RAB6A: variants seen among roughly 807,000 people sequenced by gnomAD.
The protein encoded by RAB6A is ras-related protein Rab-6A.
Under a neutral mutation model 32.3 loss-of-function variants are expected in RAB6A, and 8 were observed. The observed-to-expected ratio is 0.25, with a 90% confidence interval of 0.15 to 0.45. The LOEUF is 0.45. Ranked by LOEUF, RAB6A falls within the 20% of genes least tolerant of loss-of-function variation. The probability of loss-of-function intolerance (pLI) is 1.00; values close to 1 mark genes in which losing one functional copy is unlikely to be tolerated. For missense variants in RAB6A, 104 were observed against 249.4 expected, an observed-to-expected ratio of 0.42 and a Z score of 3.93; for synonymous variants, 73 against 82.1, an observed-to-expected ratio of 0.89 and a Z score of 0.60.
At chr11:73,759,657 T>C (rs937573618) in intron 1 of RAB6A, among the ~76,000 whole-genome samples, 1 of 152,198 alleles carries the variant, frequency 6.6e-6, no homozygotes, top group Admixed American at 6.5e-5. Context: ...CAAGAAGGAA[T>C]GAATAATTAA....
At position 73,716,265 on chromosome 11, in the gene RAB6A, A is replaced by G. The variant is rs1435533074; in HGVS notation, c.387T>C (p.Asp129=). Reference sequence around the variant, plus strand: ...TAACTCCATACCTCTTGTCAGCAAGATCTGTTTTATTTCCTACTAGCATGA... The same window carrying G: ...TAACTCCATACCTCTTGTCAGCAAGGTCTGTTTTATTTCCTACTAGCATGA... ...VIIMLVGNKT[D]LADKRQVSIE... Residue 129 remains aspartate, a synonymous_variant, in exon 5 of 8, where the codon GAT becomes GAC. Transcript: ENST00000336083. 1.9e-6 allele frequency: 3 copies of G among 1,607,126 alleles called. No individual in the cohort carries two copies. Among genetic ancestry groups the G allele is most frequent in the Non-Finnish European group, 2.6e-6 (3 of 1,173,924 alleles).
intron 1 of RAB6A, among the ~76,000 whole-genome samples, chr11:73,737,994 C>CAA (rs57456237): frequency 0.016 from 1,543 of 99,204 alleles, 51 homozygotes; most frequent in East Asian, 0.047. Context: ...GACTCCATCT[C>CAA]AAAAAAAAAA....
chr11:73,739,111 T>C (rs1946447218), intron 1 of RAB6A, among the ~76,000 whole-genome samples: 2 of 147,774 alleles, frequency 1.4e-5, no homozygotes, highest in Admixed American at 1.4e-4. Flanking sequence ...CTACTAAAAA[T>C]ACAAAAATTA....
intron 5 of RAB6A, among the ~76,000 whole-genome samples, chr11:73,714,068 T>A (rs1182239763): frequency 2.7e-5 from 4 of 150,932 alleles, no homozygotes; most frequent in Admixed American, 2.6e-4. Context: ...GGCAAGCTCT[T>A]GTAATTCCAG....
At chr11:73,686,531 G>A (rs1252135779) in intron 6 of RAB6A, among the ~76,000 whole-genome samples, 1 of 152,150 alleles carries the variant, frequency 6.6e-6, no homozygotes, top group Non-Finnish European at 1.5e-5. Flanking sequence ...CTCCAGCCTA[G>A]ATGACAGAGT....
intron 1 of RAB6A, among the ~76,000 whole-genome samples, chr11:73,740,222 C>T (rs1032162678): frequency 6.6e-6 from 1 of 151,946 alleles, no homozygotes; most frequent in Non-Finnish European, 1.5e-5. Flanking sequence ...CACAAAAAAA[C>T]ACTATAAAAA....
At chr11:73,694,756 A>G (rs1017560692) in intron 6 of RAB6A, among the ~76,000 whole-genome samples, 4 of 152,120 alleles carry the variant, frequency 2.6e-5, no homozygotes, top group African/African-American at 7.2e-5. Flanking sequence ...GCTCATGCCT[A>G]TAATTCCAGC....
In RAB6A at chr11:73,740,672, T is replaced by C. The variant is rs1307862044; in HGVS notation, c.71-9849A>G. Among the ~76,000 whole-genome samples, 9 of 151,938 alleles carry C rather than the reference T, an allele frequency of 5.9e-5. No individual in the cohort carries two copies. In the South Asian group the frequency reaches 1.2e-3, roughly 21 times the overall value. On this transcript the variant is annotated intron_variant, in intron 1 of 7. Coordinates refer to ENST00000336083, the MANE Select transcript of RAB6A (RefSeq NM_198896.2). ...GGGAGGCCAAGGCAGGCGGATCACCTGAGGTCAGGAGTTTGAGACTAACCT... is the reference window on the plus strand; with the variant it reads ...GGGAGGCCAAGGCAGGCGGATCACCCGAGGTCAGGAGTTTGAGACTAACCT...
intron 3 of RAB6A, among the ~76,000 whole-genome samples, chr11:73,720,178 T>A (rs1946112849): frequency 8.5e-6 from 1 of 117,680 alleles, no homozygotes; most frequent in African/African-American, 2.8e-5. Context: ...AAATACACAT[T>A]ACTTTTTTTT....
intron 6 of RAB6A, among the ~76,000 whole-genome samples, chr11:73,684,165 G>GT (rs532757584): frequency 0.16 from 12,607 of 78,928 alleles, 689 homozygotes; most frequent in South Asian, 0.35. Flanking sequence ...TACATACATT[G>GT]TTGTTTTTTT....
intron 6 of RAB6A, among the ~76,000 whole-genome samples, chr11:73,687,182 C>A (rs1293801669): frequency 3.3e-5 from 5 of 151,974 alleles, no homozygotes; most frequent in Non-Finnish European, 7.4e-5. Context: ...TAATCAAATT[C>A]ACAGACACAA....
chr11:73,757,127 ATATTTTTTTTTTTTTTT>A (rs1946771665), intron 1 of RAB6A, among the ~76,000 whole-genome samples: 1 of 38,804 alleles, frequency 2.6e-5, no homozygotes, highest in Non-Finnish European at 4.2e-5. Context: ...ATATATATAT[ATATTTTTTTTTTTTTTT>A]TTTTTTTTTT....
At chr11:73,739,857 C>T (rs2134991543) in intron 1 of RAB6A, among the ~76,000 whole-genome samples, 1 of 151,946 alleles carries the variant, frequency 6.6e-6, no homozygotes, top group East Asian at 2.0e-4. Context: ...GAGATGGAGA[C>T]CACCACCCTG....
At chr11:73,728,083 A>AG (rs1175609819) in intron 2 of RAB6A, among the ~76,000 whole-genome samples, 1 of 152,238 alleles carries the variant, frequency 6.6e-6, no homozygotes, top group Non-Finnish European at 1.5e-5. Context: ...AATAAAAAAA[A>AG]TTTTAAAGAG....
rs1056494402 is a variant in RAB6A at position 73,725,388 on chromosome 11, G to A, written c.130-4489C>T. On this transcript the variant is annotated intron_variant, in intron 2 of 7. Coordinates refer to ENST00000336083, the MANE Select transcript of RAB6A (RefSeq NM_198896.2). Reference sequence around the variant, plus strand: ...ATAACACGAATTTTGTCAAGCATATGTGATTGAACCAAAGAGAAGTGTATT... The same window carrying A: ...ATAACACGAATTTTGTCAAGCATATATGATTGAACCAAAGAGAAGTGTATT... Among the ~76,000 whole-genome samples the A allele has an allele frequency of 4.6e-5, 7 of 152,354 alleles. No individual in the cohort carries two copies. The East Asian group carries it at 1.4e-3, about 29-fold the overall frequency.
At chr11:73,733,985 T>C (rs546187067) in intron 1 of RAB6A, among the ~76,000 whole-genome samples, 10 of 152,294 alleles carry the variant, frequency 6.6e-5, no homozygotes, top group African/African-American at 2.2e-4. Context: ...CTTTACTATA[T>C]ATGTATCATT....
rs541789982 is a variant in RAB6A at position 73,703,642 on chromosome 11, T to C, written c.495+3778A>G. On this transcript the variant is annotated intron_variant, in intron 6 of 7. Coordinates refer to ENST00000336083, the MANE Select transcript of RAB6A (RefSeq NM_198896.2). The stretch of plus-strand genomic sequence containing the variant: ...TTATAATCCCAGCTAGGCAGGAGGC[T>C]GAGGCATGAGAATCACTTGAACCAG... 2.8e-3 allele frequency among the ~76,000 whole-genome samples: 428 copies of C among 152,304 alleles called. 2 individuals carry two copies. Among genetic ancestry groups the C allele is most frequent in the Non-Finnish European group, 4.7e-3 (320 of 68,024 alleles).
chr11:73,720,876 T>C lies in RAB6A; in HGVS notation c.153A>G (p.Leu51=). ...GATCCTCCAAGTACATAGTTTTTGA[T>C]AAAAAGTCAATGCCAATTGTTGCCT... is the stretch of plus-strand genomic sequence containing the variant. ...TYQATIGIDF[L]SKTMYLEDRT... is the part of the protein sequence containing the mutation. Residue 51 remains leucine, a synonymous_variant, in exon 3 of 8, where the codon TTA becomes TTG. Transcript: ENST00000336083. 6.2e-7 allele frequency: 1 copy of C among 1,610,594 alleles called. No individual in the cohort carries two copies. The highest frequency in any genetic ancestry group is 8.5e-7 in the Non-Finnish European group (1 of 1,178,004).
At chr11:73,752,524 T>C (rs1034469808) in intron 1 of RAB6A, among the ~76,000 whole-genome samples, 1 of 151,976 alleles carries the variant, frequency 6.6e-6, no homozygotes, top group African/African-American at 2.4e-5. Flanking sequence ...TCTTTGAAAT[T>C]AAAATGATAA....
Sources: allele counts gnomAD v4.1 joint callset (sites outside exome capture counted in the v4.1 genomes callset), GRCh38; gene constraint gnomAD v4.1.1; transcripts MANE v1.5; gene names NCBI Gene and HGNC (gene_info 2026-07-23, HGNC 2026-07-21).